Variants in UBR3 observed in about 807,000 individuals in gnomAD.
UBR3 encodes the protein ubiquitin protein ligase E3 component n-recognin 3, also known as E3 ubiquitin-protein ligase UBR3.
UBR3 carries 85 observed loss-of-function variants against 243.2 expected under a neutral mutation model. That is an observed-to-expected ratio of 0.35 (90% CI 0.29 to 0.42). The LOEUF is 0.42. Ranked by LOEUF, UBR3 falls within the 10% of genes least tolerant of loss-of-function variation. The pLI, the probability that UBR3 is intolerant of heterozygous loss-of-function variation, is 1.00. For synonymous variants in UBR3, 748 were observed against 799.8 expected (o/e 0.94, Z 1.09); for missense variants, 1,686 against 2,300.8 (o/e 0.73, Z 5.47).
chr2:169,918,766 G>C (rs2085566987), intron 11 of UBR3, among the ~76,000 whole-genome samples: 1 of 152,180 alleles, frequency 6.6e-6, no homozygotes, highest in Admixed American at 6.5e-5. Flanking sequence ...GTTTGTAGCA[G>C]GGTGGGTTTG....
At chr2:170,053,789 A>G (rs1040523361) in intron 32 of UBR3, among the ~76,000 whole-genome samples, 2 of 152,220 alleles carry the variant, frequency 1.3e-5, no homozygotes, top group African/African-American at 2.4e-5. Flanking sequence ...GACTCCAGCA[A>G]CTGATTAAAT....
intron 3 of UBR3, among the ~76,000 whole-genome samples, chr2:169,876,360 G>A (rs1217677762): frequency 5.3e-5 from 8 of 152,152 alleles, no homozygotes; most frequent in Non-Finnish European, 7.4e-5. Context: ...GATTACAGGC[G>A]TGAGCCACTG....
chr2:169,871,743 C>CAGAAAAAAAAAAAAA (rs1553499507), intron 1 of UBR3, among the ~76,000 whole-genome samples: 1 of 94,998 alleles, frequency 1.1e-5, no homozygotes, highest in Non-Finnish European at 2.3e-5. Flanking sequence ...CCAAGACTCT[C>CAGAAAAAAAAAAAAA]AAAAAAAAAA....
At chr2:170,025,434 A>G (rs991009829) in intron 30 of UBR3, among the ~76,000 whole-genome samples, 5 of 152,170 alleles carry the variant, frequency 3.3e-5, no homozygotes, top group Admixed American at 1.3e-4. Context: ...ATACTATTCT[A>G]GGCTGAGAGA....
At chr2:169,939,881 A>C (rs2086512401) in intron 19 of UBR3, among the ~76,000 whole-genome samples, 1 of 151,814 alleles carries the variant, frequency 6.6e-6, no homozygotes, top group African/African-American at 2.4e-5. Context: ...ATCTTCTTTC[A>C]ATTTAGTTTG....
intron 2 of UBR3, among the ~76,000 whole-genome samples, chr2:169,874,040 A>G (rs1343993823): frequency 6.6e-6 from 1 of 152,188 alleles, no homozygotes; most frequent in African/African-American, 2.4e-5. Context: ...CTGTTATCTG[A>G]AAACACGAAG....
At chr2:169,880,623 C>CGT (rs961526118) in intron 5 of UBR3, among the ~76,000 whole-genome samples, 7 of 152,058 alleles carry the variant, frequency 4.6e-5, no homozygotes, top group Non-Finnish European at 5.9e-5. Context: ...TGTGTGTGCA[C>CGT]GTGTGTGTGT....
intron 10 of UBR3, among the ~76,000 whole-genome samples, chr2:169,913,480 C>T (rs1372582485): frequency 6.6e-6 from 1 of 151,804 alleles, no homozygotes; most frequent in African/African-American, 2.4e-5. Flanking sequence ...TTTTACAGTA[C>T]TTTTATTTCA....
intron 6 of UBR3, among the ~76,000 whole-genome samples, chr2:169,892,260 G>C (rs73011772): frequency 0.043 from 6,563 of 152,248 alleles, 159 homozygotes; most frequent in Middle Eastern, 0.068. Context: ...ATGTCTGAAG[G>C]AAATTAGGAA....
At chr2:170,029,243 A>T (rs912494901) in intron 30 of UBR3, 103 bp from the exon 31 acceptor site, 14 of 875,822 alleles carry the variant, frequency 1.6e-5, no homozygotes, top group Non-Finnish European at 2.4e-5. Context: ...AATTGTCAGG[A>T]TGGGAAACAG....
At chr2:169,864,906 CA>C (rs11336906) in intron 1 of UBR3, among the ~76,000 whole-genome samples, 5,257 of 64,850 alleles carry the variant, frequency 0.081, 66 homozygotes, top group African/African-American at 0.18. Flanking sequence ...GACTCCGTCT[CA>C]AAAAAAAAAA....
intron 1 of UBR3, among the ~76,000 whole-genome samples, chr2:169,858,096 A>G (rs1489811196): frequency 2.6e-5 from 4 of 152,144 alleles, no homozygotes; most frequent in Admixed American, 6.5e-5. Context: ...ATTATCTCAT[A>G]GTTTCTATGG....
intron 26 of UBR3, among the ~76,000 whole-genome samples, chr2:169,996,409 G>A (rs2105395853): frequency 6.6e-6 from 1 of 152,258 alleles, no homozygotes; most frequent in East Asian, 1.9e-4. Context: ...CACCAGGTTA[G>A]GGTTCACTCT....
At chr2:170,019,508 A>G (rs2090332473) in intron 30 of UBR3, among the ~76,000 whole-genome samples, 1 of 151,902 alleles carries the variant, frequency 6.6e-6, no homozygotes, top group African/African-American at 2.4e-5. Flanking sequence ...ACATAGGGAG[A>G]ACCTCATCTC....
chr2:170,060,854 T>C (rs564254967), intron 33 of UBR3, among the ~76,000 whole-genome samples: 2 of 152,256 alleles, frequency 1.3e-5, no homozygotes, highest in East Asian at 3.9e-4. Flanking sequence ...AATTATGTAA[T>C]TTATATGCTG....
At chr2:169,958,209 A>G (rs1264911478) in intron 23 of UBR3, among the ~76,000 whole-genome samples, 1 of 152,222 alleles carries the variant, frequency 6.6e-6, no homozygotes, top group Non-Finnish European at 1.5e-5. Flanking sequence ...TTTAAAGTAC[A>G]TCTTGGCTTT....
At chr2:169,864,539 A>C (rs2083189167) in intron 1 of UBR3, among the ~76,000 whole-genome samples, 2 of 151,980 alleles carry the variant, frequency 1.3e-5, no homozygotes, top group Non-Finnish European at 2.9e-5. Flanking sequence ...CGATGCAGGC[A>C]GATCACTTGA....
At chr2:169,838,387 T>TTGTGTGTGTGTG (rs544974959) in intron 1 of UBR3, among the ~76,000 whole-genome samples, 5 of 114,392 alleles carry the variant, frequency 4.4e-5, no homozygotes, top group African/African-American at 9.8e-5. Context: ...ATTAAGGCAT[T>TTGTGTGTGTGTG]TGTGTGTGTG....
At chr2:169,908,328 T>C (rs2085099494) in intron 10 of UBR3, among the ~76,000 whole-genome samples, 1 of 152,228 alleles carries the variant, frequency 6.6e-6, no homozygotes, top group Non-Finnish European at 1.5e-5. Context: ...GTTAACTCTT[T>C]GAAATTTTAA....
Sources: allele counts gnomAD v4.1 joint callset (sites outside exome capture counted in the v4.1 genomes callset), GRCh38; gene constraint gnomAD v4.1.1; transcripts MANE v1.5; gene names NCBI Gene and HGNC (gene_info 2026-07-23, HGNC 2026-07-21).